SETBP1: variants seen among roughly 807,000 people sequenced by gnomAD.
SETBP1 encodes SET-binding protein.
A neutral mutation model predicts 101.0 loss-of-function variants in SETBP1; 9 were observed. The ratio of observed to expected loss-of-function variants is 0.09; its 90% CI spans 0.05 to 0.16. The LOEUF (loss-of-function observed/expected upper bound fraction) is 0.16, where lower values mean the gene tolerates loss of function less well. Ranked by LOEUF, SETBP1 falls within the 10% of genes least tolerant of loss-of-function variation. The pLI is 1.00. For synonymous variants in SETBP1, 818 were observed against 788.5 expected (o/e 1.04, Z -0.63); for missense variants, 1,858 against 2,033.8 (o/e 0.91, Z 1.66).
chr18:44,774,854 C>G (rs2070961458), intron 2 of SETBP1, among the ~76,000 whole-genome samples: 1 of 151,782 alleles, frequency 6.6e-6, no homozygotes, highest in African/African-American at 2.4e-5. Flanking sequence ...AGTTACAGGT[C>G]TCTAGGAGTT....
intron 2 of SETBP1, among the ~76,000 whole-genome samples, chr18:44,730,115 G>A (rs1027008554): frequency 2.0e-5 from 3 of 152,196 alleles, no homozygotes; most frequent in Non-Finnish European, 4.4e-5. Flanking sequence ...ATCTGCCCTT[G>A]TTATATGGGT....
At chr18:44,791,945 A>T (rs1287893193) in intron 2 of SETBP1, among the ~76,000 whole-genome samples, 1 of 152,124 alleles carries the variant, frequency 6.6e-6, no homozygotes. Flanking sequence ...TGGGGAAGGC[A>T]TCCATCTGGA....
intron 2 of SETBP1, among the ~76,000 whole-genome samples, chr18:44,838,744 G>A (rs758066860): frequency 6.6e-6 from 1 of 152,122 alleles, no homozygotes; most frequent in African/African-American, 2.4e-5. Context: ...TTGAATGCAC[G>A]TGAGCAAATC....
chr18:44,907,437 T>C (rs1268294453), intron 3 of SETBP1, among the ~76,000 whole-genome samples: 2 of 152,216 alleles, frequency 1.3e-5, no homozygotes, highest in Non-Finnish European at 2.9e-5. Flanking sequence ...CCAAACTGTT[T>C]TCCAAAGCAG....
chr18:44,901,364 G>A (rs1568208221), intron 3 of SETBP1, among the ~76,000 whole-genome samples: 1 of 152,202 alleles, frequency 6.6e-6, no homozygotes, highest in Non-Finnish European at 1.5e-5. Flanking sequence ...GCAGGAGATA[G>A]ACTTTTGAGC....
chr18:44,982,557 T>C (rs2072138622), intron 4 of SETBP1, among the ~76,000 whole-genome samples: 1 of 152,232 alleles, frequency 6.6e-6, no homozygotes, highest in South Asian at 2.1e-4. Context: ...CTTTTTGAGT[T>C]TATCCATACA....
chr18:44,774,744 G>A (rs2070958507), intron 2 of SETBP1, among the ~76,000 whole-genome samples: 2 of 152,154 alleles, frequency 1.3e-5, no homozygotes, highest in Non-Finnish European at 2.9e-5. Flanking sequence ...ATACAGTCTG[G>A]AAGGGTCCTA....
At chr18:44,966,108 T>G (rs902632966) in intron 4 of SETBP1, among the ~76,000 whole-genome samples, 2 of 152,236 alleles carry the variant, frequency 1.3e-5, no homozygotes, top group African/African-American at 4.8e-5. Flanking sequence ...TGTAATATTT[T>G]TTCATGGAAC....
intron 2 of SETBP1, among the ~76,000 whole-genome samples, chr18:44,861,473 C>T (rs1441415212): frequency 2.6e-5 from 4 of 151,838 alleles, no homozygotes; most frequent in Non-Finnish European, 5.9e-5. Context: ...ACCTCATGAT[C>T]TGCCCGCCTC....
At chr18:45,018,432 A>G (rs1022666141) in intron 4 of SETBP1, among the ~76,000 whole-genome samples, 4 of 152,184 alleles carry the variant, frequency 2.6e-5, no homozygotes, top group Admixed American at 6.5e-5. Context: ...TTAAACACAT[A>G]TGTGTTGATC....
chr18:44,778,774 A>G (rs1272263543), intron 2 of SETBP1, among the ~76,000 whole-genome samples: 1 of 152,228 alleles, frequency 6.6e-6, no homozygotes, highest in Non-Finnish European at 1.5e-5. Flanking sequence ...GGAGTGGAGA[A>G]TTATGGAACT....
At chr18:44,791,734 A>C (rs984702746) in intron 2 of SETBP1, among the ~76,000 whole-genome samples, 2 of 152,098 alleles carry the variant, frequency 1.3e-5, no homozygotes, top group Admixed American at 6.6e-5. Context: ...AGAGAGAGAG[A>C]GAGAGAGCGA....
Position 44,953,174 on chromosome 18 carries a change from G to T in SETBP1, c.3834G>T (p.Leu1278=), listed in dbSNP as rs560028623. 7 of 1,614,118 alleles carry T rather than the reference G, an allele frequency of 4.3e-6. No homozygotes were observed. The East Asian group carries it at 1.6e-4, about 36-fold the overall frequency. Residue 1278 remains leucine (L), a synonymous_variant, in exon 4 of 6, where the codon CTG becomes CTT. Coordinates refer to ENST00000649279, the MANE Select transcript of SETBP1 (RefSeq NM_015559.3). Reference sequence around the variant, plus strand: ...GTGGCAGCACGAGATCAGAGAACCTGGACGTGTTCAGTGAAATGAACCCTT... The same window carrying T: ...GTGGCAGCACGAGATCAGAGAACCTTGACGTGTTCAGTGAAATGAACCCTT... ...GDGGSTRSEN[L]DVFSEMNPSN...
intron 3 of SETBP1, among the ~76,000 whole-genome samples, chr18:44,944,598 C>G (rs1290651397): frequency 6.6e-6 from 1 of 152,098 alleles, no homozygotes; most frequent in African/African-American, 2.4e-5. Context: ...TTGAGAAGTG[C>G]CATGTTCCAA....
intron 2 of SETBP1, among the ~76,000 whole-genome samples, chr18:44,820,014 A>G (rs957923116): frequency 9.9e-5 from 15 of 152,220 alleles, no homozygotes; most frequent in African/African-American, 3.6e-4. Context: ...GGAACAGACA[A>G]CTGGAAGTTG....
intron 2 of SETBP1, among the ~76,000 whole-genome samples, chr18:44,823,478 T>C (rs1303689251): frequency 6.6e-6 from 1 of 152,248 alleles, no homozygotes; most frequent in East Asian, 1.9e-4. Flanking sequence ...ATTTATTTCT[T>C]ATGCCTAGCT....
chr18:44,955,147 G>A (rs1005467700), intron 4 of SETBP1, among the ~76,000 whole-genome samples: 1 of 152,172 alleles, frequency 6.6e-6, no homozygotes, highest in South Asian at 2.1e-4. Context: ...GTGTTGCTGA[G>A]TGCTGGTTGA....
intron 2 of SETBP1, among the ~76,000 whole-genome samples, chr18:44,812,342 A>G (rs2071881533): frequency 6.6e-6 from 1 of 152,092 alleles, no homozygotes; most frequent in Non-Finnish European, 1.5e-5. Context: ...CTTGATACAC[A>G]GTTTCCCTTT....
chr18:44,755,597 G>C (rs1026157415), intron 2 of SETBP1, among the ~76,000 whole-genome samples: 3 of 152,010 alleles, frequency 2.0e-5, no homozygotes, highest in African/African-American at 7.2e-5. Context: ...TTCAGGCTAG[G>C]GGATGCACTA....
Sources: allele counts gnomAD v4.1 joint callset (sites outside exome capture counted in the v4.1 genomes callset), GRCh38; gene constraint gnomAD v4.1.1; transcripts MANE v1.5; gene names NCBI Gene and HGNC (gene_info 2026-07-23, HGNC 2026-07-21).